HDAC7: variants seen among roughly 807,000 people sequenced by gnomAD.
HDAC7 encodes the protein histone deacetylase 7A.
Under a neutral mutation model 115.5 loss-of-function variants are expected in HDAC7, and 26 were observed. The ratio of observed to expected loss-of-function variants is 0.23; its 90% CI spans 0.16 to 0.31. The LOEUF is 0.31. HDAC7 is among the 10% of genes least tolerant of loss of function. The pLI, the probability that HDAC7 is intolerant of heterozygous loss-of-function variation, is 1.00. For missense variants in HDAC7, 1,068 were observed against 1,329.0 expected, an observed-to-expected ratio of 0.80 and a Z score of 3.05; for synonymous variants, 564 against 550.9, an observed-to-expected ratio of 1.02 and a Z score of -0.33.
upstream of HDAC7, chr12:47,820,452 C>CCA (rs890681544): frequency 4.5e-4 from 68 of 151,088 alleles, no homozygotes; most frequent in South Asian, 1.0e-3. The surrounding 1 kb of genome is among the most constrained non-coding windows in gnomAD (Gnocchi z 4.3). Flanking sequence ...ACACCCCCCA[C>CCA]CACACACACA....
At chr12:47,787,243 C>T (rs1027231534) in intron 21 of HDAC7, among the ~76,000 whole-genome samples, 31 of 54,044 alleles carry the variant, frequency 5.7e-4, no homozygotes, top group Non-Finnish European at 1.0e-3. Context: ...TTCCAGGCCC[C>T]CCCCCAGCTG....
intron 1 of HDAC7, among the ~76,000 whole-genome samples, chr12:47,807,951 C>G (rs1944474347): frequency 6.6e-6 from 1 of 152,238 alleles, no homozygotes; most frequent in African/African-American, 2.4e-5. Context: ...CGTCCCAAAG[C>G]AAGCTGCACC....
Position 47,798,817 on chromosome 12 carries a change from G to A in HDAC7, c.226C>T (p.Leu76=), listed in dbSNP as rs1453117147. ...RLHHHLFLAG[L]QQQRSVEPMR... ...GGCTCCACCGAGCGCTGCTGCTGCAGGCCTGCTAGGAAGAGGTGGTGGTGC... is the reference window on the plus strand; with the variant it reads ...GGCTCCACCGAGCGCTGCTGCTGCAAGCCTGCTAGGAAGAGGTGGTGGTGC... The change falls in exon 3 of 26, where the codon CTG becomes TTG. Residue 76 remains leucine, a synonymous_variant. Transcript: ENST00000080059. This position sits in a 1 kb window ranked among gnomAD's most constrained non-coding sequence, Gnocchi z 4.3. 2 of 1,559,070 alleles carry A rather than the reference G, an allele frequency of 1.3e-6. No individual in the cohort carries two copies. Among genetic ancestry groups the A allele is most frequent in the Non-Finnish European group, 1.7e-6 (2 of 1,151,060 alleles).
chr12:47,792,375 G>A, intron 13 of HDAC7: 1 of 367,354 alleles, frequency 2.7e-6, no homozygotes, highest in Non-Finnish European at 5.2e-6. Flanking sequence ...CTAACGTACA[G>A]CATCTCACAC....
At chr12:47,792,515 A>G (rs1216877502) in intron 13 of HDAC7, 2 of 388,900 alleles carry the variant, frequency 5.1e-6, no homozygotes, top group Non-Finnish European at 1.0e-5. Context: ...CCAGCTTTGG[A>G]GAAGTGACTA....
At chr12:47,806,377 A>C (rs955782327) in intron 1 of HDAC7, among the ~76,000 whole-genome samples, 31 of 152,240 alleles carry the variant, frequency 2.0e-4, no homozygotes, top group African/African-American at 7.0e-4. Context: ...TAATCAGGAG[A>C]TAAGAATACC....
intron 12 of HDAC7, among the ~76,000 whole-genome samples, chr12:47,794,480 G>A (rs1943697335): frequency 6.6e-6 from 1 of 152,212 alleles, no homozygotes; most frequent in Admixed American, 6.5e-5. Context: ...AGGACTATGT[G>A]TGGCTCCAGG....
chr12:47,797,620 C>CTGGT lies in HDAC7; in HGVS notation c.462-125_462-122dup. ...GCGGGCAGGGCTGGGCAATGTGGGG[C>CTGGT]TGGTAGGAATGGGGACCATCTCCAG... is the stretch of plus-strand genomic sequence containing the variant. On this transcript the variant is annotated intron_variant, in intron 5 of 25. Transcript: ENST00000080059. The surrounding 1 kb of genome is among the most constrained non-coding windows in gnomAD (Gnocchi z 5.5). 2 of 696,718 alleles carry CTGGT rather than the reference C, an allele frequency of 2.9e-6. No homozygotes were observed. The highest frequency in any genetic ancestry group is 4.8e-6 in the Non-Finnish European group (2 of 416,542). The allele number at this position is 696,718 out of a possible 1,614,324, so 43.2% of individuals were successfully genotyped here.
At chr12:47,796,421 G>A (rs1370074347) in intron 7 of HDAC7, 123 bp from the exon 8 acceptor site, 16 of 574,090 alleles carry the variant, frequency 2.8e-5, no homozygotes, top group African/African-American at 4.4e-5. Context: ...TTTGCTTCCT[G>A]CTTTCTTTTT....
intron 1 of HDAC7, among the ~76,000 whole-genome samples, chr12:47,802,693 G>T (rs1033188414): frequency 1.3e-5 from 2 of 152,136 alleles, no homozygotes. Context: ...GAGCCTGGCT[G>T]GGGGGATGGC....
intron 2 of HDAC7, among the ~76,000 whole-genome samples, chr12:47,801,242 G>A (rs1374265155): frequency 6.6e-6 from 1 of 152,198 alleles, no homozygotes; most frequent in Non-Finnish European, 1.5e-5. Flanking sequence ...AGCTCCATAG[G>A]GCAGGGAGTT....
rs1165226619 is a variant in HDAC7, at chr12:47,784,092, G to C, written c.2917C>G (p.Leu973Val). 5.0e-6 allele frequency: 8 copies of C among 1,613,516 alleles called. No homozygotes were observed. Among genetic ancestry groups the C allele is most frequent in the Non-Finnish European group, 6.8e-6 (8 of 1,179,876 alleles). ...GTCTGGCATTACCTATCTTCAGCCA[G>C]GATGCCCACAGAGAGGGACGCCAGT... ...TALASLSVGI[L>V]AEDRPSEQLV... Residue 973 changes from leucine (L) to valine (V), a missense_variant, in exon 25 of 26, where the codon CTG (leucine) becomes GTG (valine). Around this residue, in one of 6 missense-constraint regions of HDAC7, gnomAD observed 98 missense variants for 123.9 expected, o/e 0.79. Coordinates refer to ENST00000080059, the MANE Select transcript of HDAC7 (RefSeq NM_015401.5).
At chr12:47,791,064 G>A in intron 16 of HDAC7, 195 bp downstream of exon 16, 1 of 623,700 alleles carries the variant, frequency 1.6e-6, no homozygotes. Context: ...GCATTCGGGG[G>A]AGACTGTGGG....
chr12:47,796,967 G>A (rs1943883721), intron 7 of HDAC7, 50 bp downstream of exon 7: 1 of 1,505,370 alleles, frequency 6.6e-7, no homozygotes. Context: ...AAAGGGACAA[G>A]ACCAGCCAGG....
chr12:47,784,831 A>G, intron 24 of HDAC7: 2 of 1,478,840 alleles, frequency 1.4e-6, no homozygotes, highest in South Asian at 2.4e-5. Flanking sequence ...TGTCTTTACC[A>G]TTATGTAAAG....
chr12:47,795,727 C>T lies in HDAC7; in HGVS notation c.947G>A (p.Arg316Gln), dbSNP rs767285337. ...DRRTHPTLGP[R>Q]GPILGSPHTP... is the part of the protein sequence containing the mutation. ...GTGGGGGCTCCCCAGGATTGGCCCC[C>T]GAGGGCCCAGAGTCGGATGGGTCCT... is the stretch of plus-strand genomic sequence containing the variant. The change falls in exon 10 of 26, where the codon CGG becomes CAG. Residue 316 changes from arginine to glutamine, a missense_variant. Around this residue, in one of 6 missense-constraint regions of HDAC7, gnomAD observed 618 missense variants for 701.5 expected, o/e 0.88. Transcript: ENST00000080059. The surrounding 1 kb of genome is among the most constrained non-coding windows in gnomAD (Gnocchi z 4.3). 33 of 1,545,278 alleles carry T rather than the reference C, an allele frequency of 2.1e-5. No homozygotes were observed. The highest frequency in any genetic ancestry group is 2.6e-5 in the Non-Finnish European group (30 of 1,144,246).
At chr12:47,804,114 A>G (rs1355284268) in intron 1 of HDAC7, among the ~76,000 whole-genome samples, 3 of 152,192 alleles carry the variant, frequency 2.0e-5, no homozygotes, top group African/African-American at 4.8e-5. Context: ...AGAAAAATTA[A>G]TGACCCTGAA....
chr12:47,783,915 G>A (rs1394704241), intron 25 of HDAC7, 29 bp from the exon 26 acceptor site: 1 of 1,613,030 alleles, frequency 6.2e-7, no homozygotes. Flanking sequence ...GTGGGATGCT[G>A]GAGCACCAGG....
At position 47,783,869 on chromosome 12, in the gene HDAC7, A is replaced by G. The variant is rs774587206; in HGVS notation, c.2948T>C (p.Val983Ala). 2.5e-6 allele frequency: 4 copies of G among 1,612,112 alleles called. No individual in the cohort carries two copies. The highest frequency in any genetic ancestry group is 1.7e-5 in the Admixed American group (1 of 59,730). ...LAEDRPSEQLVEEEEPMNL is the reference protein window; with the variant it reads ...LAEDRPSEQLAEEEEPMNL ...GAGATTCATAGGTTCTTCCTCCTCC[A>G]CCAGCTGCTCCGAGGGCCTGTGGGG... The change falls in exon 26 of 26, where the codon GTG becomes GCG. Residue 983 changes from valine to alanine, a missense_variant. By Grantham distance (64) the Val-to-Ala change is moderately conservative (BLOSUM62 0). Around this residue, in one of 6 missense-constraint regions of HDAC7, gnomAD observed 98 missense variants for 123.9 expected, o/e 0.79. Coordinates refer to ENST00000080059, the MANE Select transcript of HDAC7 (RefSeq NM_015401.5).
Sources: gnomAD v4.1 joint callset for allele counts (sites outside exome capture counted in the v4.1 genomes callset) on GRCh38, gnomAD v4.1.1 for gene constraint, gnomAD v4.1.1 regional missense constraint, Gnocchi (gnomAD v3.1) non-coding constraint, MANE v1.5 for transcripts, NCBI Gene and HGNC (gene_info 2026-07-23, HGNC 2026-07-21) for gene names.